The following AGTPBP1 variants were observed in gnomAD, a reference collection of about 807,000 sequenced individuals.
AGTPBP1 encodes the protein ATP/GTP binding carboxypeptidase 1.
AGTPBP1 carries 70 observed loss-of-function variants against 143.9 expected under a neutral mutation model. That is an observed-to-expected ratio of 0.49 (90% confidence interval 0.40 to 0.59). AGTPBP1 has a LOEUF of 0.59. AGTPBP1 is among the 20% of genes least tolerant of loss of function. The pLI is 0.00. For synonymous variants in AGTPBP1, 463 were observed against 500.2 expected (o/e 0.93, Z 0.99); for missense variants, 1,229 against 1,464.5 (o/e 0.84, Z 2.62).
At chr9:85,598,048 A>T (rs1403022582) in intron 17 of AGTPBP1, among the ~76,000 whole-genome samples, 1 of 152,198 alleles carries the variant, frequency 6.6e-6, no homozygotes, top group Non-Finnish European at 1.5e-5. Flanking sequence ...GGATAAATAC[A>T]ATTCAGCTGG....
chr9:85,599,574 T>C (rs983367792), intron 17 of AGTPBP1, among the ~76,000 whole-genome samples: 1 of 152,210 alleles, frequency 6.6e-6, no homozygotes, highest in Non-Finnish European at 1.5e-5. Context: ...TTTTCACTTC[T>C]CCTATATTAC....
chr9:85,755,742 G>A, the AGTPBP1 span, among the ~76,000 whole-genome samples: 1 of 152,168 alleles, frequency 6.6e-6, no homozygotes. Flanking sequence ...TGCTGTGATG[G>A]AACTGTGCAG....
At chr9:85,797,560 C>G in the AGTPBP1 span, among the ~76,000 whole-genome samples, 1 of 152,200 alleles carries the variant, frequency 6.6e-6, no homozygotes, top group African/African-American at 2.4e-5. Flanking sequence ...CTTCCATCCT[C>G]TAGTGTGCTC....
At chr9:85,717,836 A>T (rs1406829749) in intron 1 of AGTPBP1, among the ~76,000 whole-genome samples, 1 of 136,332 alleles carries the variant, frequency 7.3e-6, no homozygotes, top group Non-Finnish European at 1.6e-5. Flanking sequence ...ACAGCCCCCC[A>T]CCCCCTAACA....
In AGTPBP1 at chr9:85,689,222, G is replaced by A. The variant is rs376734542; in HGVS notation, c.157+3467C>T. 1.7e-3 allele frequency among the ~76,000 whole-genome samples: 259 copies of A among 152,074 alleles called. 9 individuals carry two copies. The South Asian group carries it at 0.052, about 31-fold the overall frequency. ...CTTTATGTATCATCTATGGCTGTTCGTGTGCTAAAGGGCAGAGACTGTATG... is the reference window on the plus strand; with the variant it reads ...CTTTATGTATCATCTATGGCTGTTCATGTGCTAAAGGGCAGAGACTGTATG... On this transcript the variant is annotated intron_variant, in intron 3 of 25. Coordinates refer to ENST00000357081, the MANE Select transcript of AGTPBP1 (RefSeq NM_001330701.2).
In AGTPBP1 at chr9:85,669,659, A is replaced by G. The variant is rs1408947761; in HGVS notation, c.569-81T>C. ...TGTATACTTAGTGATACATAGGCAA[A>G]AACATATACAAATTGTTTAGTAAAT... On this transcript the variant is annotated intron_variant, in intron 7 of 25. Transcript: ENST00000357081. The G allele has an allele frequency of 3.7e-6, 3 of 804,878 alleles. No homozygotes were observed. The African/African-American group carries it at 5.1e-5, about 14-fold the overall frequency. 49.9% of individuals were successfully genotyped at this position (804,878 alleles called of 1,614,324 possible). A position where few individuals can be genotyped will look rare whatever the true frequency, so the allele number is the denominator to read the frequency against.
the AGTPBP1 span, among the ~76,000 whole-genome samples, chr9:85,801,205 G>A: frequency 2.0e-5 from 3 of 151,964 alleles, no homozygotes; most frequent in South Asian, 4.2e-4. Flanking sequence ...CCAGCTACTC[G>A]GGAGGCTGAG....
chr9:85,618,232 C>CAAA (rs35683850), intron 17 of AGTPBP1, among the ~76,000 whole-genome samples: 1 of 107,502 alleles, frequency 9.3e-6, no homozygotes, highest in Non-Finnish European at 2.1e-5. Context: ...AACTCCATCT[C>CAAA]AAAAAAAAAA....
At chr9:85,730,539 A>T (rs77940347) in intron 1 of AGTPBP1, among the ~76,000 whole-genome samples, 4,823 of 152,194 alleles carry the variant, frequency 0.032, 101 homozygotes, top group African/African-American at 0.052. Flanking sequence ...TGCTTTTCCA[A>T]TAAGAGCCTA....
At chr9:85,655,592 G>A (rs531824417) in intron 10 of AGTPBP1, among the ~76,000 whole-genome samples, 2 of 151,816 alleles carry the variant, frequency 1.3e-5, no homozygotes, top group South Asian at 2.1e-4. Flanking sequence ...GACTTGGGGG[G>A]ACACTTGGCA....
At chr9:85,668,967 A>ATATGTGTGTGTGTG (rs1491203442) in intron 8 of AGTPBP1, among the ~76,000 whole-genome samples, 37 of 114,436 alleles carry the variant, frequency 3.2e-4, no homozygotes, top group African/African-American at 1.1e-3. Context: ...ACATACATAC[A>ATATGTGTGTGTGTG]TGTGTGTGTG....
At chr9:85,737,036 G>A (rs372941490) in intron 1 of AGTPBP1, among the ~76,000 whole-genome samples, 1 of 152,236 alleles carries the variant, frequency 6.6e-6, no homozygotes, top group East Asian at 1.9e-4. Context: ...AAGCCAGTAA[G>A]CGGAGCTTGC....
intron 13 of AGTPBP1, among the ~76,000 whole-genome samples, chr9:85,641,085 CT>C (rs1431415307): frequency 6.6e-6 from 1 of 152,168 alleles, no homozygotes; most frequent in Non-Finnish European, 1.5e-5. Context: ...CTGTTAGTCA[CT>C]CAGTAGCCAT....
chr9:85,742,481 A>C (rs1255292576), upstream of AGTPBP1, among the ~76,000 whole-genome samples: 4 of 152,004 alleles, frequency 2.6e-5, no homozygotes, highest in African/African-American at 4.8e-5. Context: ...GACCTCAAGG[A>C]GGGTCCATAA....
At chr9:85,708,330 T>A (rs1227159010) in intron 2 of AGTPBP1, among the ~76,000 whole-genome samples, 4 of 152,148 alleles carry the variant, frequency 2.6e-5, no homozygotes, top group Non-Finnish European at 5.9e-5. Flanking sequence ...TACATCAAGA[T>A]GCTCAATTTA....
the AGTPBP1 span, among the ~76,000 whole-genome samples, chr9:85,769,351 T>C: frequency 6.6e-6 from 1 of 151,950 alleles, no homozygotes; most frequent in Non-Finnish European, 1.5e-5. Flanking sequence ...TTCCTTACCA[T>C]AGATTTGTAT....
rs1315699430 is a variant in AGTPBP1, at chr9:85,672,698, AAGAC to A, written c.437-21_437-18del. On this transcript the variant is annotated intron_variant, in intron 6 of 25. Coordinates refer to ENST00000357081, the MANE Select transcript of AGTPBP1 (RefSeq NM_001330701.2). ...ATTTTTTATCTGTTTAAAAAAAAAAAAGACAATTTATGCACATACAACTTTTCTT... is the reference window on the plus strand; with the variant it reads ...ATTTTTTATCTGTTTAAAAAAAAAAAAATTTATGCACATACAACTTTTCTT... The A allele has an allele frequency of 1.3e-6, 2 of 1,565,772 alleles. No homozygotes were observed. Among genetic ancestry groups the A allele is most frequent in the East Asian group, 2.2e-5 (1 of 44,606 alleles).
chr9:85,712,388 T>C, intron 2 of AGTPBP1, 114 bp downstream of exon 2: 1 of 488,800 alleles, frequency 2.0e-6, no homozygotes, highest in Non-Finnish European at 3.4e-6. Flanking sequence ...ATTACATAAA[T>C]ATAACATATT....
the AGTPBP1 span, among the ~76,000 whole-genome samples, chr9:85,757,576 G>C: frequency 6.6e-6 from 1 of 152,178 alleles, no homozygotes; most frequent in African/African-American, 2.4e-5. Flanking sequence ...AGTACCTAGA[G>C]AGACACAAAT....
Sources: allele counts gnomAD v4.1 joint callset (sites outside exome capture counted in the v4.1 genomes callset), GRCh38; gene constraint gnomAD v4.1.1; transcripts MANE v1.5; gene names NCBI Gene and HGNC (gene_info 2026-07-23, HGNC 2026-07-21).